MEGF10: variants seen among roughly 807,000 people sequenced by gnomAD.
The protein encoded by MEGF10 is multiple epidermal growth factor-like domains protein 10.
In MEGF10, 86 loss-of-function variants were observed where a neutral mutation model predicts 147.5. That is an observed-to-expected ratio of 0.58 (90% CI 0.49 to 0.70). The LOEUF (loss-of-function observed/expected upper bound fraction) is 0.70. Ranked by LOEUF, MEGF10 falls within the 30% of genes least tolerant of loss-of-function variation. MEGF10 has a pLI of 0.00. For missense variants in MEGF10, 1,329 were observed against 1,487.3 expected (o/e 0.89, Z 1.75); for synonymous variants, 478 against 525.5 (o/e 0.91, Z 1.24).
At chr5:127,246,795 TA>T in the MEGF10 span, among the ~76,000 whole-genome samples, 1 of 121,266 alleles carries the variant, frequency 8.2e-6, no homozygotes, top group Non-Finnish European at 1.7e-5. Flanking sequence ...TAATTTATAA[TA>T]TTTATAAATA....
the MEGF10 span, among the ~76,000 whole-genome samples, chr5:127,253,557 A>G: frequency 1.3e-5 from 2 of 152,028 alleles, no homozygotes; most frequent in African/African-American, 4.8e-5. Flanking sequence ...TCTACATAGA[A>G]AACTGAAGAT....
At chr5:127,314,882 A>C (rs1258708731) in intron 1 of MEGF10, among the ~76,000 whole-genome samples, 1 of 152,192 alleles carries the variant, frequency 6.6e-6, no homozygotes, top group Non-Finnish European at 1.5e-5. Flanking sequence ...TAGTTTATGG[A>C]AACTGTATTT....
At chr5:127,230,663 C>T in the MEGF10 span, among the ~76,000 whole-genome samples, 72 of 152,238 alleles carry the variant, frequency 4.7e-4, 1 homozygote, top group East Asian at 0.014. Flanking sequence ...TGTATCCCTC[C>T]CAGCAGCACA....
intron 4 of MEGF10, among the ~76,000 whole-genome samples, chr5:127,359,839 A>C (rs1215643283): frequency 1.3e-5 from 2 of 152,132 alleles, no homozygotes; most frequent in Non-Finnish European, 2.9e-5. Context: ...CTGAAAACTT[A>C]TGTACACATC....
the MEGF10 span, among the ~76,000 whole-genome samples, chr5:127,256,223 TA>T: frequency 3.9e-5 from 6 of 152,202 alleles, no homozygotes; most frequent in Admixed American, 2.6e-4. Flanking sequence ...TAAGAAATGT[TA>T]AAAAAAATTT....
At chr5:127,229,452 CGGG>C in the MEGF10 span, 1 of 151,858 alleles carries the variant, frequency 6.6e-6, no homozygotes, top group African/African-American at 2.4e-5. Flanking sequence ...GTCACCTCGC[CGGG>C]TCGAGGCCTC....
At chr5:127,245,369 A>G in the MEGF10 span, among the ~76,000 whole-genome samples, 1 of 152,216 alleles carries the variant, frequency 6.6e-6, no homozygotes, top group Non-Finnish European at 1.5e-5. Flanking sequence ...AGGACTCCCT[A>G]TTTAATAGAT....
chr5:127,333,034 C>T (rs1011268531), intron 2 of MEGF10, among the ~76,000 whole-genome samples: 5 of 151,734 alleles, frequency 3.3e-5, no homozygotes, highest in Non-Finnish European at 5.9e-5. Flanking sequence ...GATGACATTG[C>T]GCATATGGAA....
the MEGF10 span, among the ~76,000 whole-genome samples, chr5:127,280,531 T>C: frequency 2.0e-5 from 3 of 152,260 alleles, no homozygotes; most frequent in South Asian, 6.2e-4. Flanking sequence ...TCTCCCTGTC[T>C]GAAGTCTCCT....
At chr5:127,386,656 T>C (rs1280513705) in intron 5 of MEGF10, among the ~76,000 whole-genome samples, 1 of 152,178 alleles carries the variant, frequency 6.6e-6, no homozygotes, top group African/African-American at 2.4e-5. Context: ...CTTGATAGAG[T>C]TACTGGGCAA....
At chr5:127,406,791 T>A (rs11743299) in intron 8 of MEGF10, among the ~76,000 whole-genome samples, 4,904 of 152,214 alleles carry the variant, frequency 0.032, 85 homozygotes, top group East Asian at 0.049. Context: ...CATGACACAG[T>A]CAAGTAAGAG....
At chr5:127,255,724 A>G in the MEGF10 span, among the ~76,000 whole-genome samples, 1 of 152,202 alleles carries the variant, frequency 6.6e-6, no homozygotes, top group Non-Finnish European at 1.5e-5. Context: ...TCTTGAAAAT[A>G]TGGATTTTGA....
At chr5:127,267,709 TAG>T in the MEGF10 span, among the ~76,000 whole-genome samples, 1 of 152,236 alleles carries the variant, frequency 6.6e-6, no homozygotes, top group East Asian at 1.9e-4. Flanking sequence ...TTTATTTGCA[TAG>T]AGGTGTTTAT....
At chr5:127,398,044 A>T (rs1763987563) in intron 6 of MEGF10, among the ~76,000 whole-genome samples, 1 of 145,584 alleles carries the variant, frequency 6.9e-6, no homozygotes, top group Non-Finnish European at 1.5e-5. Flanking sequence ...GGAGGGGAGC[A>T]TCACACACTG....
At chr5:127,309,355 A>G (rs2126731733) in intron 1 of MEGF10, among the ~76,000 whole-genome samples, 1 of 152,300 alleles carries the variant, frequency 6.6e-6, no homozygotes, top group Admixed American at 6.5e-5. Flanking sequence ...ATACATTCAC[A>G]CTGTTGTGAA....
rs567541130 is a variant in MEGF10, at chr5:127,342,498, G to A, written c.319+1868G>A. On this transcript the variant is annotated intron_variant, in intron 4 of 24. Transcript: ENST00000503335. ...CTGGCCATACCTTCTCTCCCTGAAG[G>A]CCTGGCATGTGGGATGCTAGATTTC... 3.0e-4 allele frequency among the ~76,000 whole-genome samples: 45 copies of A among 152,244 alleles called. 1 individual carries two copies. The South Asian group carries it at 8.9e-3, about 30-fold the overall frequency.
chr5:127,424,374 T>C (rs749639975), intron 13 of MEGF10: 2 of 749,720 alleles, frequency 2.7e-6, no homozygotes, highest in Non-Finnish European at 2.3e-6. Flanking sequence ...TGAATTTCCA[T>C]GTGAATGGTA....
chr5:127,275,131 C>T, the MEGF10 span, among the ~76,000 whole-genome samples: 4,623 of 152,244 alleles, frequency 0.03, 233 homozygotes, highest in African/African-American at 0.11. Context: ...TAGGAAAAAG[C>T]TTAGACAGTA....
chr5:127,306,872 G>A (rs985104467), intron 1 of MEGF10, among the ~76,000 whole-genome samples: 5 of 152,174 alleles, frequency 3.3e-5, no homozygotes, highest in African/African-American at 4.8e-5. Flanking sequence ...GGAATCAGCC[G>A]AGTTTGAGAT....
Sources: gnomAD v4.1 joint callset for allele counts (sites outside exome capture counted in the v4.1 genomes callset) on GRCh38, gnomAD v4.1.1 for gene constraint, MANE v1.5 for transcripts, NCBI Gene and HGNC (gene_info 2026-07-23, HGNC 2026-07-21) for gene names.